Variants in CROCC observed in about 807,000 individuals in gnomAD.
CROCC encodes rootletin.
Under a neutral mutation model 245.2 loss-of-function variants are expected in CROCC, and 180 were observed. The ratio of observed to expected loss-of-function variants is 0.73; its 90% CI spans 0.65 to 0.83. The LOEUF (loss-of-function observed/expected upper bound fraction) is 0.83, where lower values mean the gene tolerates loss of function less well. Among genes scored for constraint, CROCC ranks in the 40% least tolerant of loss-of-function variants. The probability of loss-of-function intolerance (pLI) is 0.00; values close to 1 mark genes in which losing one functional copy is unlikely to be tolerated. For synonymous variants in CROCC, 1,205 were observed against 1,241.6 expected, an observed-to-expected ratio of 0.97 and a Z score of 0.62; for missense variants, 2,688 against 2,779.4, an observed-to-expected ratio of 0.97 and a Z score of 0.74.
At position 16,972,484 on chromosome 1, in the gene CROCC, G is replaced by C; in HGVS notation, c.*38G>C. The C allele has an allele frequency of 2.3e-5, 33 of 1,426,416 alleles. No individual in the cohort carries two copies. Among genetic ancestry groups the C allele is most frequent in the Non-Finnish European group, 3.1e-5 (32 of 1,034,954 alleles). 88.4% of individuals were successfully genotyped at this position (1,426,416 alleles called of 1,614,324 possible). A position where few individuals can be genotyped will look rare whatever the true frequency, so the allele number is the denominator to read the frequency against. ...ATCTGGAGAACACCCCTGTGCCTGG[G>C]ACAGGGGAGGACCCTTCTTTTGGAC... On this transcript the variant is annotated 3_prime_UTR_variant, in exon 37 of 37. Transcript: ENST00000375541.
At chr1:16,923,591 C>T (rs1219631837) in intron 2 of CROCC, among the ~76,000 whole-genome samples, 3 of 152,246 alleles carry the variant, frequency 2.0e-5, no homozygotes, top group Non-Finnish European at 2.9e-5. Context: ...CTCCTGAGCC[C>T]TAGCCTTTAA....
intron 3 of CROCC, among the ~76,000 whole-genome samples, chr1:16,929,152 C>T (rs1244126989): frequency 3.3e-5 from 5 of 152,266 alleles, no homozygotes; most frequent in Non-Finnish European, 7.3e-5. Flanking sequence ...TATGCAGGCG[C>T]CGTATAGGGC....
rs181926086 is a variant in CROCC at position 16,951,309 on chromosome 1, C to G, written c.3006+187C>G. On this transcript the variant is annotated intron_variant, in intron 20 of 36. Transcript: ENST00000375541. ...TATTAGACATGCAGATTCCCAGGTC[C>G]CAAATCTGGTCCAGCCCTGGTAATC... 595 of 484,658 alleles carry G rather than the reference C, an allele frequency of 1.2e-3. 6 individuals are homozygous for G. Among genetic ancestry groups the G allele is most frequent in the African/African-American group, 0.011 (572 of 49,944 alleles). 30.0% of individuals were successfully genotyped at this position (484,658 alleles called of 1,614,324 possible). A position where few individuals can be genotyped will look rare whatever the true frequency, so the allele number is the denominator to read the frequency against.
At chr1:16,927,488 C>A (rs2075561466) in intron 3 of CROCC, among the ~76,000 whole-genome samples, 2 of 152,256 alleles carry the variant, frequency 1.3e-5, no homozygotes, top group Non-Finnish European at 2.9e-5. Context: ...GACACACAGA[C>A]ATATACCCTG....
intron 19 of CROCC, among the ~76,000 whole-genome samples, chr1:16,950,327 G>C (rs1395867743): frequency 6.7e-6 from 1 of 149,430 alleles, no homozygotes; most frequent in Admixed American, 6.7e-5. Context: ...GCCTCCCAGA[G>C]TGCTGGATTA....
intron 3 of CROCC, among the ~76,000 whole-genome samples, chr1:16,926,954 T>G (rs2100340725): frequency 6.6e-6 from 1 of 152,364 alleles, no homozygotes; most frequent in African/African-American, 2.4e-5. Flanking sequence ...GGGTGAGGTG[T>G]GGCCGAGAGG....
intron 20 of CROCC, chr1:16,953,079 G>A (rs1482187780): frequency 3.6e-5 from 20 of 550,476 alleles, no homozygotes; most frequent in Non-Finnish European, 1.6e-5. Flanking sequence ...TCCCTCCGCA[G>A]GGGACCATGT....
In CROCC at chr1:16,966,386, AC is replaced by A; in HGVS notation, c.4697-21del. Reference sequence around the variant, plus strand: ...TCGGGGCTGTGCTTGGCCATGCCTGACGGGGTGGGTGGTGGCTACAGCCCGG... The same window carrying A: ...TCGGGGCTGTGCTTGGCCATGCCTGAGGGGTGGGTGGTGGCTACAGCCCGG... On this transcript the variant is annotated intron_variant, in intron 29 of 36. Coordinates refer to ENST00000375541, the MANE Select transcript of CROCC (RefSeq NM_014675.5). This position sits in a 1 kb window ranked among gnomAD's most constrained non-coding sequence, Gnocchi z 4.8. The A allele has an allele frequency of 6.6e-7, 1 of 1,505,220 alleles. No individual in the cohort carries two copies. 93.2% of individuals were successfully genotyped at this position (1,505,220 alleles called of 1,614,324 possible). A position where few individuals can be genotyped will look rare whatever the true frequency, so the allele number is the denominator to read the frequency against.
chr1:16,946,611 C>A (rs7413355), intron 16 of CROCC, 150 bp from the exon 17 acceptor site: 2 of 1,063,666 alleles, frequency 1.9e-6, no homozygotes, highest in South Asian at 1.6e-5. Context: ...TCATCTCCCC[C>A]TCCCCAGTGT....
In CROCC at chr1:16,948,933, G is replaced by C. The variant is rs747084284; in HGVS notation, c.2836+7G>C. The C allele has an allele frequency of 1.7e-5, 28 of 1,610,852 alleles. No individual in the cohort carries two copies. The highest frequency in any genetic ancestry group is 2.3e-5 in the Non-Finnish European group (27 of 1,179,666). Reference sequence around the variant, plus strand: ...GCCAAGGAGACCCTGACTGGTACGAGGGGCTGGGGACTTGGGGGGAACACC... The same window carrying C: ...GCCAAGGAGACCCTGACTGGTACGACGGGCTGGGGACTTGGGGGGAACACC... On this transcript the variant is annotated splice_region_variant and intron_variant, in intron 19 of 36. Coordinates refer to ENST00000375541, the MANE Select transcript of CROCC (RefSeq NM_014675.5).
intron 8 of CROCC, among the ~76,000 whole-genome samples, chr1:16,933,606 G>A (rs1338071157): frequency 1.3e-5 from 2 of 151,920 alleles, no homozygotes; most frequent in African/African-American, 4.8e-5. Flanking sequence ...TTGCTTTGTT[G>A]CCCAGGCTGG....
chr1:16,936,251 T>TA (rs1473677760), intron 8 of CROCC, among the ~76,000 whole-genome samples: 1 of 152,220 alleles, frequency 6.6e-6, no homozygotes, highest in Admixed American at 6.6e-5. Flanking sequence ...GCACCCAGCC[T>TA]AGTATAGTTT....
chr1:16,921,481 C>T (rs112794673), upstream of CROCC, among the ~76,000 whole-genome samples: 39 of 152,404 alleles, frequency 2.6e-4, no homozygotes, highest in Non-Finnish European at 4.3e-4. Context: ...CATTCTTTGC[C>T]CTACACCTGT....
chr1:16,958,597 C>A lies in CROCC; in HGVS notation c.3879C>A (p.Asp1293Glu), dbSNP rs1203130470. Residue 1293 changes from aspartate (D) to glutamate (E), a missense_variant, in exon 26 of 37, where the codon GAC becomes GAA. Asp to Glu is a conservative substitution (Grantham distance 45, BLOSUM62 2). Transcript: ENST00000375541. ...TGCTCTCACAGATGAAGATGCTGGACAGTGAGAACACCAGACTGGGCCGGG... is the reference window on the plus strand; with the variant it reads ...TGCTCTCACAGATGAAGATGCTGGAAAGTGAGAACACCAGACTGGGCCGGG... The part of the protein sequence containing the change: ...QELRRQMKML[D>E]SENTRLGREL... The A allele has an allele frequency of 1.3e-6, 2 of 1,553,116 alleles. No homozygotes were observed. The highest frequency in any genetic ancestry group is 1.7e-6 in the Non-Finnish European group (2 of 1,148,628).
intron 31 of CROCC, 79 bp from the exon 32 acceptor site, chr1:16,969,037 A>T: frequency 7.4e-7 from 1 of 1,344,430 alleles, no homozygotes; most frequent in Non-Finnish European, 1.0e-6. Flanking sequence ...TGGGCATGCC[A>T]GGTGGAGGTC....
At chr1:16,923,641 T>A (rs2075460210) in intron 2 of CROCC, among the ~76,000 whole-genome samples, 1 of 152,076 alleles carries the variant, frequency 6.6e-6, no homozygotes, top group Non-Finnish European at 1.5e-5. Flanking sequence ...GCTTTGATGC[T>A]TTTCTGGGAG....
chr1:16,918,744 G>GTTTT (rs377647617), upstream of CROCC, among the ~76,000 whole-genome samples: 4 of 144,042 alleles, frequency 2.8e-5, no homozygotes, highest in African/African-American at 7.7e-5. Flanking sequence ...TTTTGTTTTT[G>GTTTT]TTTTTTTTTT....
At chr1:16,940,127 GAATA>G in intron 13 of CROCC, 34 bp downstream of exon 13, 1 of 1,565,974 alleles carries the variant, frequency 6.4e-7, no homozygotes, top group Non-Finnish European at 8.6e-7. Flanking sequence ...GGGTACTGAA[GAATA>G]AGTCACCGTC....
In CROCC at chr1:16,954,911, C is replaced by T. The variant is rs548357573; in HGVS notation, c.3465+34C>T. On this transcript the variant is annotated intron_variant, in intron 23 of 36. Transcript: ENST00000375541. This position sits in a 1 kb window ranked among gnomAD's most constrained non-coding sequence, Gnocchi z 4.4. The stretch of plus-strand genomic sequence containing the variant: ...CCGCCCCCCTCTTCCAAGCAGCATA[C>T]CCTAAATGGCACTGTGTGCCTGGGG... 1.1e-5 allele frequency: 16 copies of T among 1,491,492 alleles called. No homozygotes were observed. In the South Asian group the frequency reaches 1.8e-4, roughly 17 times the overall value. The allele number at this position is 1,491,492 out of a possible 1,614,324, so 92.4% of individuals were successfully genotyped here.
Sources: gnomAD v4.1 joint callset for allele counts (sites outside exome capture counted in the v4.1 genomes callset) on GRCh38, gnomAD v4.1.1 for gene constraint, Gnocchi (gnomAD v3.1) non-coding constraint, MANE v1.5 for transcripts, NCBI Gene and HGNC (gene_info 2026-07-23, HGNC 2026-07-21) for gene names.